Variants in MCM9 observed in about 807,000 individuals in gnomAD.
The protein encoded by MCM9 is minichromosome maintenance 9 homologous recombination repair factor.
A neutral mutation model predicts 72.8 loss-of-function variants in MCM9; 55 were observed. The observed-to-expected ratio is 0.76, with a 90% CI of 0.61 to 0.95. The LOEUF (loss-of-function observed/expected upper bound fraction) is 0.95, where lower values mean the gene tolerates loss of function less well. Ranked by LOEUF, MCM9 falls within the 40% of genes least tolerant of loss-of-function variation. MCM9 has a pLI of 0.00. For missense variants in MCM9, 1,279 were observed against 1,377.0 expected (o/e 0.93, Z 1.13); for synonymous variants, 480 against 503.4 (o/e 0.95, Z 0.62).
At chr6:118,924,222 A>AT in intron 3 of MCM9, 95 bp from the exon 4 acceptor site, 1 of 1,118,310 alleles carries the variant, frequency 8.9e-7, no homozygotes, top group Non-Finnish European at 1.3e-6. Flanking sequence ...GATAAATTTT[A>AT]ATTTCAGGGG....
intron 9 of MCM9, among the ~76,000 whole-genome samples, chr6:118,844,342 G>C (rs1362835677): frequency 6.6e-6 from 1 of 151,486 alleles, no homozygotes; most frequent in Admixed American, 6.6e-5. Flanking sequence ...ATTGTAGAGT[G>C]AGACAGAGTG....
chr6:118,926,109 G>A (rs565130043), intron 3 of MCM9, among the ~76,000 whole-genome samples: 1 of 152,240 alleles, frequency 6.6e-6, no homozygotes, highest in East Asian at 1.9e-4. Flanking sequence ...AACCCTAGCT[G>A]CTGGCAACCA....
intron 8 of MCM9, among the ~76,000 whole-genome samples, chr6:118,885,244 A>C (rs1778528004): frequency 6.6e-6 from 1 of 152,114 alleles, no homozygotes; most frequent in Non-Finnish European, 1.5e-5. Flanking sequence ...ATAAAAATAA[A>C]ATAAAAAAGA....
At chr6:118,833,861 A>C (rs36143470) in intron 9 of MCM9, among the ~76,000 whole-genome samples, 20,383 of 152,166 alleles carry the variant, frequency 0.13, 1,526 homozygotes, top group Non-Finnish European at 0.17. Flanking sequence ...TTGCTTGTAC[A>C]ACGTGACTTA....
chr6:118,916,660 C>T (rs931636746), intron 6 of MCM9, among the ~76,000 whole-genome samples: 2 of 151,184 alleles, frequency 1.3e-5, no homozygotes, highest in African/African-American at 4.9e-5. Flanking sequence ...CGCCACCACA[C>T]CTGGCTAATT....
chr6:118,910,681 G>A (rs898576617), intron 8 of MCM9: 3 of 985,172 alleles, frequency 3.0e-6, no homozygotes, highest in Non-Finnish European at 3.6e-6. Flanking sequence ...TAAAACGCAT[G>A]GGAAATATTC....
At chr6:118,877,831 G>A (rs1410078480) in intron 8 of MCM9, among the ~76,000 whole-genome samples, 1 of 152,086 alleles carries the variant, frequency 6.6e-6, no homozygotes, top group Non-Finnish European at 1.5e-5. Context: ...ATAAATTGTG[G>A]TATATTCAGA....
intron 4 of MCM9, 25 bp from the exon 5 acceptor site, chr6:118,922,111 C>A (rs532172199): frequency 6.4e-7 from 1 of 1,560,610 alleles, no homozygotes; most frequent in Non-Finnish European, 8.8e-7. Context: ...AAAACAGATT[C>A]TGAGTATGCT....
At chr6:118,882,384 C>A (rs1477664334) in intron 8 of MCM9, among the ~76,000 whole-genome samples, 1 of 152,112 alleles carries the variant, frequency 6.6e-6, no homozygotes, top group Non-Finnish European at 1.5e-5. Flanking sequence ...ATTTTGGTAG[C>A]AAGTAATAAA....
intron 8 of MCM9, among the ~76,000 whole-genome samples, chr6:118,869,694 T>C (rs1777474499): frequency 1.3e-5 from 2 of 149,322 alleles, no homozygotes; most frequent in Admixed American, 6.7e-5. Flanking sequence ...GATTAAATTA[T>C]CCAATCAAAA....
chr6:118,849,338 T>G (rs938136050), intron 9 of MCM9, among the ~76,000 whole-genome samples: 1 of 151,580 alleles, frequency 6.6e-6, no homozygotes, highest in African/African-American at 2.4e-5. Flanking sequence ...ATAAGAGACT[T>G]TAACACACCA....
intron 8 of MCM9, among the ~76,000 whole-genome samples, chr6:118,891,489 G>A (rs1039112222): frequency 6.6e-6 from 1 of 152,164 alleles, no homozygotes; most frequent in Admixed American, 6.5e-5. Flanking sequence ...GGTGTTGGCA[G>A]GTTTGGTTTA....
chr6:118,815,680 A>G lies in MCM9; in HGVS notation c.2576T>C (p.Leu859Ser), dbSNP rs1773368962. Residue 859 changes from leucine (L) to serine (S), a missense_variant, in exon 14 of 14, where the codon TTG (leucine) becomes TCG (serine). Coordinates refer to ENST00000619706, the MANE Select transcript of MCM9 (RefSeq NM_017696.3). ...AGGCACCCTGGTGCTATTTCTGCAC[A>G]ACTTCTGGGCCCTCTCTTTGCACAG... Reference protein sequence around the residue: ...QKLCKERAQKLCRNSTRVPAQ... With the variant: ...QKLCKERAQKSCRNSTRVPAQ... 2 of 1,549,230 alleles carry G rather than the reference A, an allele frequency of 1.3e-6. No individual in the cohort carries two copies. The highest frequency in any genetic ancestry group is 1.4e-5 in the African/African-American group (1 of 73,010).
Position 118,846,234 on chromosome 6 carries a change from A to AT in MCM9, c.1325+10136dup, listed in dbSNP as rs562244543. 2.8e-4 allele frequency among the ~76,000 whole-genome samples: 43 copies of AT among 152,034 alleles called. No homozygotes were observed. In the East Asian group the frequency reaches 7.5e-3, roughly 27 times the overall value. On this transcript the variant is annotated intron_variant, in intron 9 of 13. Coordinates refer to ENST00000619706, the MANE Select transcript of MCM9 (RefSeq NM_017696.3). ...ATAAACAAAGCAAGCAAATAAACCC[A>AT]TAAAACAAAACTCATCAAACTAAAA...
Position 118,856,361 on chromosome 6 carries a change from A to G in MCM9, c.1325+10T>C. The G allele has an allele frequency of 6.6e-7, 1 of 1,524,436 alleles. No homozygotes were observed. Among genetic ancestry groups the G allele is most frequent in the Non-Finnish European group, 8.7e-7 (1 of 1,143,530 alleles). 94.4% of individuals were successfully genotyped at this position (1,524,436 alleles called of 1,614,324 possible). On this transcript the variant is annotated intron_variant, in intron 9 of 13. Coordinates refer to ENST00000619706, the MANE Select transcript of MCM9 (RefSeq NM_017696.3). ...CTCATTATTCCCATAGATTTTAAAG[A>G]AACTCTTACCCAGCCTTAGCAACAC...
At chr6:118,903,713 G>A (rs1779969215) in intron 8 of MCM9, among the ~76,000 whole-genome samples, 1 of 152,154 alleles carries the variant, frequency 6.6e-6, no homozygotes, top group Non-Finnish European at 1.5e-5. Context: ...CAGGCCAAGG[G>A]AACAGTATGT....
At chr6:118,873,072 T>A (rs1202209952) in intron 8 of MCM9, among the ~76,000 whole-genome samples, 1 of 151,192 alleles carries the variant, frequency 6.6e-6, no homozygotes, top group Non-Finnish European at 1.5e-5. Flanking sequence ...CTCAGGAGGC[T>A]GAGGTGAGAG....
intron 8 of MCM9, among the ~76,000 whole-genome samples, chr6:118,866,244 T>A (rs1006286197): frequency 6.6e-6 from 1 of 152,176 alleles, no homozygotes; most frequent in Admixed American, 6.5e-5. Flanking sequence ...ATGAGACAAG[T>A]CTGACAAGAC....
rs979331433 is a variant in MCM9 at position 118,878,440 on chromosome 6, C to T, written c.1151-21895G>A. ...TATATAGGTAAAAAATGAAAGACAG[C>T]ATAACTGTAACTTTGTAACTTTTTT... is the stretch of plus-strand genomic sequence containing the variant. On this transcript the variant is annotated intron_variant, in intron 8 of 13. Transcript: ENST00000619706. 2.6e-5 allele frequency among the ~76,000 whole-genome samples: 4 copies of T among 151,992 alleles called. No individual in the cohort carries two copies. The East Asian group carries it at 7.7e-4, about 29-fold the overall frequency.
Sources: gnomAD v4.1 joint callset for allele counts (sites outside exome capture counted in the v4.1 genomes callset) on GRCh38, gnomAD v4.1.1 for gene constraint, MANE v1.5 for transcripts, NCBI Gene and HGNC (gene_info 2026-07-23, HGNC 2026-07-21) for gene names.